The following MLC1 variants were observed in gnomAD, a reference collection of about 807,000 sequenced individuals.
MLC1 encodes modulator of VRAC current 1, also known as membrane protein MLC1.
Under a neutral mutation model 44.7 loss-of-function variants are expected in MLC1, and 32 were observed. The ratio of observed to expected loss-of-function variants is 0.72; its 90% confidence interval spans 0.54 to 0.96. The LOEUF (loss-of-function observed/expected upper bound fraction) is 0.96, where lower values mean the gene tolerates loss of function less well. Ranked by LOEUF, MLC1 falls within the 40% of genes least tolerant of loss-of-function variation. MLC1 has a pLI of 0.00. For synonymous variants in MLC1, 190 were observed against 213.0 expected, an observed-to-expected ratio of 0.89 and a Z score of 0.94; for missense variants, 459 against 492.2, an observed-to-expected ratio of 0.93 and a Z score of 0.64.
rs1474952351 is a variant in MLC1 at position 50,076,720 on chromosome 22, C to T, written c.597+121G>A. ...GAGTCTCCACAGATGAGGCGCACGC[C>T]GCCATGCGGTGTAGACAGCCAACTC... is the stretch of plus-strand genomic sequence containing the variant. On this transcript the variant is annotated intron_variant, in intron 7 of 11. Transcript: ENST00000311597. 16 of 1,005,224 alleles carry T rather than the reference C, an allele frequency of 1.6e-5. 1 individual carries two copies. The highest frequency in any genetic ancestry group is 4.9e-5 in the East Asian group (2 of 41,226). The allele number at this position is 1,005,224 out of a possible 1,614,324, so 62.3% of individuals were successfully genotyped here.
chr22:50,063,883 CTGCAGG>C, intron 11 of MLC1, 145 bp downstream of exon 11: 8 of 824,930 alleles, frequency 9.7e-6, no homozygotes, highest in Admixed American at 3.1e-5. Flanking sequence ...CCCCCTCCCC[CTGCAGG>C]CCACTCACCT....
chr22:50,063,934 C>T, intron 11 of MLC1, 100 bp downstream of exon 11: 1 of 1,335,050 alleles, frequency 7.5e-7, no homozygotes, highest in Non-Finnish European at 1.0e-6. Flanking sequence ...CACTCACCTC[C>T]CCAGCTTCCC....
chr22:50,066,126 C>A (rs2061696590), intron 10 of MLC1, among the ~76,000 whole-genome samples: 2 of 152,088 alleles, frequency 1.3e-5, no homozygotes, highest in Non-Finnish European at 2.9e-5. Flanking sequence ...TCGCTTGAGC[C>A]CAGGAGCTCA....
rs1601956671 is a variant in MLC1, at chr22:50,061,349, T to A, written c.*234A>T. 1.7e-6 allele frequency: 1 copy of A among 578,496 alleles called. No homozygotes were observed. Among genetic ancestry groups the A allele is most frequent in the East Asian group, 3.0e-5 (1 of 33,886 alleles). The allele number at this position is 578,496 out of a possible 1,614,324, so 35.8% of individuals were successfully genotyped here. A position where few individuals can be genotyped will look rare whatever the true frequency, so the allele number is the denominator to read the frequency against. The stretch of plus-strand genomic sequence containing the variant: ...GAAGTTGCGGCCATGCTCCTGCTGT[T>A]ACGACACGGGAGCCACTCGGAGCTG... On this transcript the variant is annotated 3_prime_UTR_variant, in exon 12 of 12. Coordinates refer to ENST00000311597, the MANE Select transcript of MLC1 (RefSeq NM_015166.4).
chr22:50,085,172 C>T (rs979901487), intron 1 of MLC1, 183 bp downstream of exon 1: 3 of 1,332,652 alleles, frequency 2.3e-6, no homozygotes, highest in Non-Finnish European at 2.9e-6. Context: ...AGATTCTACA[C>T]TTTAAATGCC....
chr22:50,070,229 G>C (rs1002568823), intron 9 of MLC1, among the ~76,000 whole-genome samples: 1 of 152,144 alleles, frequency 6.6e-6, no homozygotes, highest in Non-Finnish European at 1.5e-5. Flanking sequence ...CAATCGACCA[G>C]CCTTAGGAGG....
chr22:50,061,697 A>C (rs1349470345), intron 11 of MLC1, 40 bp from the exon 12 acceptor site: 3 of 1,579,768 alleles, frequency 1.9e-6, no homozygotes, highest in Non-Finnish European at 2.6e-6. Context: ...CACCAGGGCC[A>C]CCTGTGCGGC....
intron 7 of MLC1, among the ~76,000 whole-genome samples, chr22:50,075,441 G>A (rs1025799177): frequency 6.6e-6 from 1 of 152,180 alleles, no homozygotes; most frequent in Non-Finnish European, 1.5e-5. Flanking sequence ...GCCAGGCACG[G>A]CGGCTCATGC....
Position 50,084,720 on chromosome 22 carries a change from A to T in MLC1, c.177+6T>A. The T allele has an allele frequency of 6.2e-7, 1 of 1,613,680 alleles. No homozygotes were observed. Among genetic ancestry groups the T allele is most frequent in the South Asian group, 1.1e-5 (1 of 91,060 alleles). On this transcript the variant is annotated splice_donor_region_variant and intron_variant, in intron 2 of 11. Transcript: ENST00000311597. ...CCCTCCAAGGGCTTAGTGTGGAGCT[A>T]CTCACCCCCATCAGCACAGAGAAGA...
chr22:50,072,502 G>C (rs1233259225), intron 8 of MLC1, among the ~76,000 whole-genome samples: 1 of 152,196 alleles, frequency 6.6e-6, no homozygotes, highest in African/African-American at 2.4e-5. Flanking sequence ...GGGCGCCCAG[G>C]GGGCAGCACC....
At position 50,074,271 on chromosome 22, in the gene MLC1, T is replaced by C. The variant is rs148222920; in HGVS notation, c.659A>G (p.Asp220Gly). The change falls in exon 8 of 12, where the codon GAT becomes GGT. Residue 220 changes from aspartate to glycine, a missense_variant. Asp to Gly is a moderately conservative substitution (Grantham distance 94). Transcript: ENST00000311597. ...GAGGTGTGGGCCTGAAACTGAGTCA[T>C]CCACGTTCAGGGCAATGATCCCCCC... ...VLGGIIALNV[D>G]DSVSGPHLSV... 18 of 1,613,952 alleles carry C rather than the reference T, an allele frequency of 1.1e-5. No homozygotes were observed. The highest frequency in any genetic ancestry group is 1.5e-5 in the Non-Finnish European group (18 of 1,180,034).
At chr22:50,077,896 G>A (rs1227484765) in intron 5 of MLC1, among the ~76,000 whole-genome samples, 1 of 152,136 alleles carries the variant, frequency 6.6e-6, no homozygotes, top group Non-Finnish European at 1.5e-5. Context: ...TGAAACGACT[G>A]CAGGCCCTGA....
chr22:50,077,532 G>C (rs754832040), intron 5 of MLC1, 30 bp from the exon 6 acceptor site: 2 of 1,577,030 alleles, frequency 1.3e-6, no homozygotes, highest in East Asian at 4.5e-5. Context: ...CTTCAGCACC[G>C]GGCCCGCCTT....
chr22:50,079,208 C>T (rs1481535661), intron 5 of MLC1, among the ~76,000 whole-genome samples: 1 of 151,950 alleles, frequency 6.6e-6, no homozygotes, highest in Admixed American at 6.6e-5. Context: ...TGCTTGAACC[C>T]GGGAGGTAGA....
Position 50,061,281 on chromosome 22 carries a change from G to T in MLC1, c.*302C>A. 2.1e-6 allele frequency: 1 copy of T among 470,272 alleles called. No homozygotes were observed. The highest frequency in any genetic ancestry group is 2.0e-5 in the African/African-American group (1 of 50,702). 29.1% of individuals were successfully genotyped at this position (470,272 alleles called of 1,614,324 possible). A position where few individuals can be genotyped will look rare whatever the true frequency, so the allele number is the denominator to read the frequency against. ...GAGGAGCTGGGGCCAGTTCAGGGGT[G>T]GGGCTCTCAAGAGGCCGAGCCGGGG... On this transcript the variant is annotated 3_prime_UTR_variant, in exon 12 of 12. Transcript: ENST00000311597.
At position 50,079,392 on chromosome 22, in the gene MLC1, C is replaced by T. The variant is rs921273614; in HGVS notation, c.423+526G>A. 6.0e-5 allele frequency among the ~76,000 whole-genome samples: 9 copies of T among 151,172 alleles called. No individual in the cohort carries two copies. In the East Asian group the frequency reaches 1.5e-3, roughly 26 times the overall value. On this transcript the variant is annotated intron_variant, in intron 5 of 11. Transcript: ENST00000311597. Reference sequence around the variant, plus strand: ...GAGAGTGGCCAGGACATACTCAAGCCTCCTCCAGCTTTCCCCAATCATCAA... The same window carrying T: ...GAGAGTGGCCAGGACATACTCAAGCTTCCTCCAGCTTTCCCCAATCATCAA...
At position 50,061,534 on chromosome 22, in the gene MLC1, A is replaced by G. The variant is rs755224475; in HGVS notation, c.*49T>C. The G allele has an allele frequency of 6.4e-7, 1 of 1,574,032 alleles. No homozygotes were observed. The highest frequency in any genetic ancestry group is 8.7e-7 in the Non-Finnish European group (1 of 1,145,968). ...GGGCGATTAGGGGTTGTGCGTTTCC[A>G]TGCTTGGGGCCAGGCTGGGCGCTGC... is the stretch of plus-strand genomic sequence containing the variant. On this transcript the variant is annotated 3_prime_UTR_variant, in exon 12 of 12. Coordinates refer to ENST00000311597, the MANE Select transcript of MLC1 (RefSeq NM_015166.4).
intron 5 of MLC1, 37 bp downstream of exon 5, chr22:50,079,881 G>T: frequency 7.1e-7 from 1 of 1,409,234 alleles, no homozygotes; most frequent in Non-Finnish European, 1.0e-6. Flanking sequence ...TGGGGCTGTG[G>T]GTGTCAGGCG....
intron 5 of MLC1, among the ~76,000 whole-genome samples, chr22:50,079,252 C>A (rs141921576): frequency 0.023 from 3,502 of 152,164 alleles, 130 homozygotes; most frequent in African/African-American, 0.079. Flanking sequence ...CCACTACACT[C>A]CAGCCTGGGC....
Sources: gnomAD v4.1 joint callset for allele counts (sites outside exome capture counted in the v4.1 genomes callset) on GRCh38, gnomAD v4.1.1 for gene constraint, MANE v1.5 for transcripts, NCBI Gene and HGNC (gene_info 2026-07-23, HGNC 2026-07-21) for gene names.